Variants in CFH observed in about 807,000 individuals in gnomAD.
CFH encodes the protein H factor 1 (complement).
In CFH, 53 loss-of-function variants were observed where a neutral mutation model predicts 147.3. The ratio of observed to expected loss-of-function variants is 0.36; its 90% CI spans 0.29 to 0.45. The LOEUF (loss-of-function observed/expected upper bound fraction) is 0.45, where lower values mean the gene tolerates loss of function less well. CFH is among the 20% of genes least tolerant of loss of function. The pLI, the probability that CFH is intolerant of heterozygous loss-of-function variation, is 1.00. For missense variants in CFH, 1,380 were observed against 1,498.0 expected, an observed-to-expected ratio of 0.92 and a Z score of 1.30; for synonymous variants, 536 against 489.4, an observed-to-expected ratio of 1.10 and a Z score of -1.26.
At chr1:196,674,069 A>C in intron 3 of CFH, 107 bp downstream of exon 3, 1 of 768,592 alleles carries the variant, frequency 1.3e-6, no homozygotes, top group South Asian at 1.6e-5. Flanking sequence ...CATTTAAAAA[A>C]GTAATACACA....
chr1:196,688,786 G>T (rs1280292231), intron 7 of CFH, among the ~76,000 whole-genome samples: 5 of 151,842 alleles, frequency 3.3e-5, no homozygotes, highest in Admixed American at 1.3e-4. Flanking sequence ...AATTTTTTTT[G>T]TATTTTTAGT....
At chr1:196,696,056 C>A (rs1573036438) in intron 9 of CFH, among the ~76,000 whole-genome samples, 1 of 152,092 alleles carries the variant, frequency 6.6e-6, no homozygotes, top group East Asian at 1.9e-4. Flanking sequence ...CTAGACAGAT[C>A]AACGAGACAG....
chr1:196,656,207 G>A (rs1666681332), intron 1 of CFH, among the ~76,000 whole-genome samples: 1 of 151,924 alleles, frequency 6.6e-6, no homozygotes, highest in Non-Finnish European at 1.5e-5. Flanking sequence ...AGGAGGCTGA[G>A]GCAGGAGAAT....
At chr1:196,712,025 G>A (rs1668734076) in intron 9 of CFH, among the ~76,000 whole-genome samples, 1 of 152,066 alleles carries the variant, frequency 6.6e-6, no homozygotes, top group Non-Finnish European at 1.5e-5. Flanking sequence ...TACTCAGCAA[G>A]TGTGGCACTT....
chr1:196,730,028 A>G (rs1301869757), intron 15 of CFH, among the ~76,000 whole-genome samples: 1 of 151,856 alleles, frequency 6.6e-6, no homozygotes, highest in Non-Finnish European at 1.5e-5. Flanking sequence ...TTATCTAAAA[A>G]AAAACTATTT....
chr1:196,745,166 T>C lies in CFH; in HGVS notation c.3311-651T>C, dbSNP rs552695823. The stretch of plus-strand genomic sequence containing the variant: ...TATAAATTCCAATGTTTTTATCCTC[T>C]TTGGAGTTCACTCAGCTTCTTAAAT... On this transcript the variant is annotated intron_variant, in intron 20 of 21. Coordinates refer to ENST00000367429, the MANE Select transcript of CFH (RefSeq NM_000186.4). Among the ~76,000 whole-genome samples the C allele has an allele frequency of 8.5e-5, 13 of 152,256 alleles. No individual in the cohort carries two copies. The South Asian group carries it at 2.7e-3, about 32-fold the overall frequency.
At chr1:196,737,095 C>T (rs1669424897) in intron 16 of CFH, 89 bp downstream of exon 16, 1 of 1,131,518 alleles carries the variant, frequency 8.8e-7, no homozygotes, top group East Asian at 2.6e-5. Context: ...GAAGTTCTTT[C>T]TCTGTGTCTA....
At chr1:196,735,370 T>C (rs1326337124) in intron 15 of CFH, among the ~76,000 whole-genome samples, 1 of 152,118 alleles carries the variant, frequency 6.6e-6, no homozygotes, top group Non-Finnish European at 1.5e-5. Flanking sequence ...TTGCTAACGG[T>C]TCTATTTACA....
chr1:196,734,180 C>T (rs922732757), intron 15 of CFH, among the ~76,000 whole-genome samples: 2 of 152,082 alleles, frequency 1.3e-5, no homozygotes, highest in Non-Finnish European at 2.9e-5. Context: ...AGGCTGGGGT[C>T]CATGCTCCAT....
At chr1:196,719,596 T>C (rs1296181159) in intron 11 of CFH, among the ~76,000 whole-genome samples, 1 of 151,882 alleles carries the variant, frequency 6.6e-6, no homozygotes, top group African/African-American at 2.4e-5. Flanking sequence ...TTTAGTATGA[T>C]TCTAATTTAT....
At chr1:196,715,527 T>C in intron 10 of CFH, 66 bp from the exon 11 acceptor site, 2 of 1,274,556 alleles carry the variant, frequency 1.6e-6, no homozygotes, top group Non-Finnish European at 1.1e-6. Flanking sequence ...CTTCTTAGAA[T>C]GGGAAATACT....
At chr1:196,714,637 A>ATG (rs1558173265) in intron 10 of CFH, among the ~76,000 whole-genome samples, 9 of 20,646 alleles carry the variant, frequency 4.4e-4, no homozygotes, top group Non-Finnish European at 6.3e-4. Flanking sequence ...GTATATATGT[A>ATG]TATATATATA....
chr1:196,661,602 G>T (rs1476194505), intron 1 of CFH, among the ~76,000 whole-genome samples: 1 of 152,166 alleles, frequency 6.6e-6, no homozygotes, highest in African/African-American at 2.4e-5. Flanking sequence ...CCCAAATCAT[G>T]ACAGCTCCAC....
intron 15 of CFH, 120 bp from the exon 16 acceptor site, chr1:196,736,704 T>C (rs1457307015): frequency 2.6e-6 from 1 of 390,536 alleles, no homozygotes; most frequent in Admixed American, 5.0e-5. Flanking sequence ...AAACAGTTAT[T>C]GATCTTTCTA....
At chr1:196,697,906 A>C (rs1399971154) in intron 9 of CFH, among the ~76,000 whole-genome samples, 1 of 151,442 alleles carries the variant, frequency 6.6e-6, no homozygotes, top group Admixed American at 6.6e-5. Flanking sequence ...TGGCAATGAC[A>C]AAAAACCAAG....
In CFH at chr1:196,677,526, A is replaced by G; in HGVS notation, c.478A>G (p.Ser160Gly). 6.2e-7 allele frequency: 1 copy of G among 1,613,252 alleles called. No individual in the cohort carries two copies. Among genetic ancestry groups the G allele is most frequent in the South Asian group, 1.1e-5 (1 of 91,068 alleles). Reference sequence around the variant, plus strand: ...ACCAGAGAATGGAAAAATTGTCAGTAGTGCAATGGAACCAGATCGGGAATA... The same window carrying G: ...ACCAGAGAATGGAAAAATTGTCAGTGGTGCAATGGAACCAGATCGGGAATA... ...TAPENGKIVS[S>G]AMEPDREYHF... The change falls in exon 5 of 22, where the codon AGT becomes GGT. Residue 160 changes from serine (S) to glycine (G), a missense_variant. Around this residue, in one of 4 missense-constraint regions of CFH, gnomAD observed 260 missense variants for 263.3 expected, o/e 0.99. Coordinates refer to ENST00000367429, the MANE Select transcript of CFH (RefSeq NM_000186.4).
At chr1:196,701,302 C>G (rs777183307) in intron 9 of CFH, 2 of 1,613,768 alleles carry the variant, frequency 1.2e-6, no homozygotes, top group Non-Finnish European at 1.7e-6. Flanking sequence ...ATCATCTGCT[C>G]TTCAATCTTT....
chr1:196,660,220 G>T (rs1245945035), intron 1 of CFH, among the ~76,000 whole-genome samples: 3 of 152,080 alleles, frequency 2.0e-5, no homozygotes, highest in Non-Finnish European at 2.9e-5. Flanking sequence ...GAAATAACCC[G>T]TGTAAAGGAT....
intron 1 of CFH, among the ~76,000 whole-genome samples, chr1:196,671,269 T>C (rs1203803214): frequency 6.6e-6 from 1 of 152,174 alleles, no homozygotes; most frequent in African/African-American, 2.4e-5. Flanking sequence ...AACATCTGAA[T>C]CTGAGTGTCT....
Sources: allele counts gnomAD v4.1 joint callset (sites outside exome capture counted in the v4.1 genomes callset), GRCh38; gene constraint gnomAD v4.1.1; regional missense constraint gnomAD v4.1.1; transcripts MANE v1.5; gene names NCBI Gene and HGNC (gene_info 2026-07-23, HGNC 2026-07-21).